The following ESR1 variants were observed in gnomAD, a reference collection of about 807,000 sequenced individuals.
The protein encoded by ESR1 is estrogen receptor 1.
ESR1 carries 12 observed loss-of-function variants against 52.7 expected under a neutral mutation model. The ratio of observed to expected loss-of-function variants is 0.23; its 90% CI spans 0.15 to 0.37. ESR1 has a LOEUF of 0.37. ESR1 is among the 10% of genes least tolerant of loss of function. The pLI is 1.00. For synonymous variants in ESR1, 305 were observed against 316.8 expected, an observed-to-expected ratio of 0.96 and a Z score of 0.39; for missense variants, 584 against 779.7, an observed-to-expected ratio of 0.75 and a Z score of 2.99.
At chr6:151,947,937 T>C (rs1219202533) in intron 4 of ESR1, among the ~76,000 whole-genome samples, 2 of 152,222 alleles carry the variant, frequency 1.3e-5, no homozygotes, top group Non-Finnish European at 2.9e-5. Flanking sequence ...TTTCTCCTTA[T>C]TGTTTGCTCT....
At chr6:151,664,113 T>C (rs1188335053) in intron 1 of ESR1, among the ~76,000 whole-genome samples, 1 of 152,202 alleles carries the variant, frequency 6.6e-6, no homozygotes, top group Non-Finnish European at 1.5e-5. Flanking sequence ...AAGGTAAGCA[T>C]ACTTAGAAGT....
At chr6:151,961,713 G>T (rs1219730588) in intron 4 of ESR1, among the ~76,000 whole-genome samples, 1 of 152,162 alleles carries the variant, frequency 6.6e-6, no homozygotes, top group African/African-American at 2.4e-5. Context: ...AGCTGAGAGT[G>T]AACATGGGGC....
chr6:151,692,898 C>T (rs778291592), intron 1 of ESR1, among the ~76,000 whole-genome samples: 14 of 152,188 alleles, frequency 9.2e-5, no homozygotes, highest in Admixed American at 3.3e-4. Context: ...TAAAAATATT[C>T]GCTGGAAAGC....
chr6:151,896,945 T>A (rs1211999812), intron 3 of ESR1, among the ~76,000 whole-genome samples: 1 of 152,230 alleles, frequency 6.6e-6, no homozygotes, highest in Non-Finnish European at 1.5e-5. Context: ...GACCCAATGA[T>A]CATTCAGGAG....
At chr6:151,822,706 A>C (rs1780764475) in intron 1 of ESR1, among the ~76,000 whole-genome samples, 1 of 152,206 alleles carries the variant, frequency 6.6e-6, no homozygotes, top group Non-Finnish European at 1.5e-5. Flanking sequence ...GGAGTTCTTA[A>C]AGGTGAGGGA....
chr6:151,912,695 G>A (rs533561157), intron 3 of ESR1, among the ~76,000 whole-genome samples: 2 of 152,160 alleles, frequency 1.3e-5, no homozygotes, highest in South Asian at 4.2e-4. Context: ...GGAGAATATC[G>A]ACCTTAATAT....
upstream of ESR1, among the ~76,000 whole-genome samples, chr6:151,806,136 G>T (rs1336089300): frequency 2.6e-5 from 4 of 152,140 alleles, no homozygotes; most frequent in Non-Finnish European, 5.9e-5. Context: ...ATGATTGCTG[G>T]CCATAAAGGG....
chr6:152,118,495 G>C (rs2051235233), intron 6 of ESR1: 2 of 151,868 alleles, frequency 1.3e-5, no homozygotes, highest in Non-Finnish European at 2.9e-5. Flanking sequence ...AACTAACACA[G>C]GAACAGAAAA....
chr6:151,695,669 G>A lies in ESR1; in HGVS notation c.-202+5005G>A, dbSNP rs1410126012. On this transcript the variant is annotated intron_variant, in intron 1 of 2. Transcript: ENST00000404742. ...TCATTGGAATAATTCCTTTTGGAAC[G>A]TTACTAAGGACACCAAGAAATCAAC... 2.6e-5 allele frequency among the ~76,000 whole-genome samples: 4 copies of A among 152,066 alleles called. 1 individual carries two copies. The highest frequency in any genetic ancestry group is 2.0e-4 in the Admixed American group (3 of 15,262).
chr6:151,979,313 T>C (rs1258002423), intron 4 of ESR1, among the ~76,000 whole-genome samples: 1 of 152,186 alleles, frequency 6.6e-6, no homozygotes, highest in Non-Finnish European at 1.5e-5. Flanking sequence ...GCCCATCTTC[T>C]AGAACAGGTA....
intron 2 of ESR1, among the ~76,000 whole-genome samples, chr6:151,724,587 TACAC>T (rs67896661): frequency 0.23 from 33,716 of 149,720 alleles, 3,824 homozygotes; most frequent in Non-Finnish European, 0.25. Context: ...CACACACACA[TACAC>T]ACACACACAC....
intron 2 of ESR1, among the ~76,000 whole-genome samples, chr6:151,851,403 G>C (rs1786679007): frequency 6.6e-6 from 1 of 152,178 alleles, no homozygotes; most frequent in South Asian, 2.1e-4. Context: ...TTAAAGGTGA[G>C]GGCCCAATAT....
intron 2 of ESR1, among the ~76,000 whole-genome samples, chr6:151,736,375 G>GTTTTTTTTTTTTTTTGTTTTT (rs1554247187): frequency 1.1e-4 from 12 of 112,720 alleles, no homozygotes; most frequent in African/African-American, 4.6e-4. Context: ...TCCAGGTAGT[G>GTTTTTTTTTTTTTTTGTTTTT]TTTTTTTTTT....
intron 1 of ESR1, among the ~76,000 whole-genome samples, chr6:151,679,018 C>A (rs77512098): frequency 0.019 from 2,908 of 152,280 alleles, 91 homozygotes; most frequent in African/African-American, 0.064. Context: ...AGTAGGCCTC[C>A]TCTTCTGGCC....
At chr6:151,787,706 A>G (rs1447574449) in intron 2 of ESR1, among the ~76,000 whole-genome samples, 12 of 152,054 alleles carry the variant, frequency 7.9e-5, no homozygotes, top group African/African-American at 2.9e-4. Context: ...GTGTCCTGAG[A>G]GTTTGCTGAA....
At chr6:151,924,342 G>A (rs960350611) in intron 3 of ESR1, among the ~76,000 whole-genome samples, 2 of 152,064 alleles carry the variant, frequency 1.3e-5, no homozygotes, top group Non-Finnish European at 2.9e-5. Flanking sequence ...CGTCCGGCCT[G>A]CAATTTCTTA....
chr6:151,881,819 G>C (rs899083017), intron 3 of ESR1, among the ~76,000 whole-genome samples: 7 of 151,790 alleles, frequency 4.6e-5, no homozygotes, highest in Admixed American at 6.6e-5. Flanking sequence ...GCAGGTGGAG[G>C]GGGCAGTGAA....
intron 2 of ESR1, among the ~76,000 whole-genome samples, chr6:151,754,866 G>C (rs139119834): frequency 6.6e-6 from 1 of 152,104 alleles, no homozygotes; most frequent in Non-Finnish European, 1.5e-5. Flanking sequence ...CAACTGCTAC[G>C]TGACATCTCC....
At chr6:151,873,110 AAGT>A (rs1791247495) in intron 2 of ESR1, among the ~76,000 whole-genome samples, 1 of 152,194 alleles carries the variant, frequency 6.6e-6, no homozygotes, top group South Asian at 2.1e-4. Flanking sequence ...GCAATCTGGA[AAGT>A]AGATACCATT....
Sources: allele counts gnomAD v4.1 joint callset (sites outside exome capture counted in the v4.1 genomes callset), GRCh38; gene constraint gnomAD v4.1.1; transcripts MANE v1.5; gene names NCBI Gene and HGNC (gene_info 2026-07-23, HGNC 2026-07-21).